Variants in NEDD9 observed in about 807,000 individuals in gnomAD.
The protein encoded by NEDD9 is neural precursor cell expressed, developmentally down-regulated 9.
In NEDD9, 26 loss-of-function variants were observed where a neutral mutation model predicts 76.6. That is an observed-to-expected ratio of 0.34 (90% confidence interval 0.25 to 0.47). NEDD9 has a LOEUF of 0.47. Ranked by LOEUF, NEDD9 falls within the 20% of genes least tolerant of loss-of-function variation. The probability of loss-of-function intolerance (pLI) is 1.00; values close to 1 mark genes in which losing one functional copy is unlikely to be tolerated. For missense variants in NEDD9, 937 were observed against 1,058.5 expected, an observed-to-expected ratio of 0.89 and a Z score of 1.59; for synonymous variants, 392 against 414.2, an observed-to-expected ratio of 0.95 and a Z score of 0.65.
In NEDD9 at chr6:11,232,422, G is replaced by A. The variant is rs1196322186; in HGVS notation, c.12+82C>T. The A allele has an allele frequency of 1.5e-5, 23 of 1,545,972 alleles. No individual in the cohort carries two copies. In the Admixed American group the frequency reaches 1.8e-4, roughly 12 times the overall value. On this transcript the variant is annotated intron_variant, in intron 1 of 6. Transcript: ENST00000379446. ...CTCCGGGACACACAAGGGACTGACA[G>A]TAAGGAACACGCATACACAAGCACA...
At chr6:11,226,292 G>A (rs771259695) in intron 1 of NEDD9, among the ~76,000 whole-genome samples, 2 of 151,954 alleles carry the variant, frequency 1.3e-5, no homozygotes, top group Admixed American at 6.6e-5. Flanking sequence ...TTTCATGCCC[G>A]TACTCTTTGC....
At chr6:11,306,669 T>C (rs369939359) in intron 2 of NEDD9, among the ~76,000 whole-genome samples, 3 of 152,202 alleles carry the variant, frequency 2.0e-5, no homozygotes, top group East Asian at 1.9e-4. Flanking sequence ...CAACTTAATA[T>C]GTTACCACTT....
At chr6:11,306,162 A>AC (rs1561825316) in intron 2 of NEDD9, 3 of 836,984 alleles carry the variant, frequency 3.6e-6, no homozygotes, top group Non-Finnish European at 4.0e-6. Context: ...GAATCTGAAA[A>AC]CAGGAGATAG....
In NEDD9 at chr6:11,185,629, C is replaced by G; in HGVS notation, c.2038G>C (p.Val680Leu). ...TTCCACTTCGAGATGTCATTCTCCA[C>G]GGGCTTTGTAATCTCTTGTTCCAAC... ...QLLEQEITKP[V>L]ENDISKWKPS... is the part of the protein sequence containing the mutation. Residue 680 changes from valine to leucine, a missense_variant, in exon 7 of 7, where the codon GTG becomes CTG. By Grantham distance (32) the Val-to-Leu change is conservative. Transcript: ENST00000379446. The G allele has an allele frequency of 1.2e-6, 2 of 1,614,208 alleles. No individual in the cohort carries two copies. Among genetic ancestry groups the G allele is most frequent in the Non-Finnish European group, 1.7e-6 (2 of 1,180,042 alleles).
intron 3 of NEDD9, among the ~76,000 whole-genome samples, chr6:11,255,396 T>G (rs1402853643): frequency 6.6e-6 from 1 of 152,208 alleles, no homozygotes; most frequent in Non-Finnish European, 1.5e-5. Context: ...GTAAAAGAAA[T>G]TCGCGTTGCC....
chr6:11,255,876 C>T (rs1398088035), intron 3 of NEDD9, among the ~76,000 whole-genome samples: 2 of 152,084 alleles, frequency 1.3e-5, no homozygotes, highest in Non-Finnish European at 1.5e-5. Flanking sequence ...TATAAGGAAA[C>T]TGGTTAGGAG....
chr6:11,328,277 C>A (rs1373560187), intron 2 of NEDD9, among the ~76,000 whole-genome samples: 1 of 152,210 alleles, frequency 6.6e-6, no homozygotes, highest in Non-Finnish European at 1.5e-5. Flanking sequence ...GAAGATTCAT[C>A]CCACCCAAAA....
chr6:11,252,852 A>G lies in NEDD9; in HGVS notation c.13-39125T>C, dbSNP rs1277619238. ...CTTTACATATTCTAAAAATAAATAA[A>G]TAAAAATTAGACACAGAAATGGAAG... is the stretch of plus-strand genomic sequence containing the variant. On this transcript the variant is annotated intron_variant, in intron 3 of 3. Coordinates refer to the NEDD9 transcript ENST00000397378. This position sits in a 1 kb window ranked among gnomAD's most constrained non-coding sequence, Gnocchi z 4.3. Among the ~76,000 whole-genome samples, 2 of 152,260 alleles carry G rather than the reference A, an allele frequency of 1.3e-5. No individual in the cohort carries two copies. The highest frequency in any genetic ancestry group is 1.3e-4 in the Admixed American group (2 of 15,292).
intron 3 of NEDD9, among the ~76,000 whole-genome samples, chr6:11,295,490 A>G (rs1172959149): frequency 1.3e-5 from 2 of 152,158 alleles, no homozygotes; most frequent in Admixed American, 1.3e-4. Context: ...AGGCTTAGTC[A>G]ATCATTCTGT....
At chr6:11,351,224 G>A (rs1416067742) in intron 1 of NEDD9, among the ~76,000 whole-genome samples, 1 of 152,102 alleles carries the variant, frequency 6.6e-6, no homozygotes, top group Non-Finnish European at 1.5e-5. Flanking sequence ...CAAGTGACCA[G>A]GACCAGGACC....
intron 1 of NEDD9, among the ~76,000 whole-genome samples, chr6:11,232,155 G>C (rs1016545671): frequency 6.6e-6 from 1 of 152,144 alleles, no homozygotes; most frequent in Non-Finnish European, 1.5e-5. Context: ...GCCAGGCCTG[G>C]GGAAGCCAAG....
intron 2 of NEDD9, among the ~76,000 whole-genome samples, chr6:11,332,834 G>A (rs927938779): frequency 1.3e-5 from 2 of 152,148 alleles, no homozygotes; most frequent in Non-Finnish European, 2.9e-5. Context: ...GAGTTTCAGT[G>A]AACTGTGAAT....
intron 2 of NEDD9, among the ~76,000 whole-genome samples, chr6:11,310,762 T>G (rs1397901320): frequency 6.6e-6 from 1 of 152,198 alleles, no homozygotes; most frequent in African/African-American, 2.4e-5. Context: ...TTTGCTGTCT[T>G]TCTTCTGAGC....
At chr6:11,282,769 C>T (rs193166415) in intron 3 of NEDD9, among the ~76,000 whole-genome samples, 85 of 152,360 alleles carry the variant, frequency 5.6e-4, no homozygotes, top group African/African-American at 1.9e-3. Flanking sequence ...TCCTGAGCTA[C>T]GGCAACAGCT....
upstream of NEDD9, chr6:11,233,557 A>G (rs539993021): frequency 1.9e-6 from 1 of 517,486 alleles, no homozygotes; most frequent in South Asian, 1.4e-5. Context: ...CCTGAGGATG[A>G]CCCATTAACC....
chr6:11,319,541 GACAC>G lies in NEDD9; in HGVS notation c.-152-13390_-152-13387del, dbSNP rs373121806. On this transcript the variant is annotated intron_variant, in intron 2 of 3. Transcript: ENST00000397378. ...ACATGCACACTCACACTAACATGCGGACACACACTAACATGCGGACACACACACT... is the reference window on the plus strand; with the variant it reads ...ACATGCACACTCACACTAACATGCGGACACTAACATGCGGACACACACACT... Among the ~76,000 whole-genome samples the G allele has an allele frequency of 2.2e-4, 18 of 83,548 alleles. No individual in the cohort carries two copies. The South Asian group carries it at 8.2e-3, about 38-fold the overall frequency. 54.8% of individuals were successfully genotyped at this position (83,548 alleles called of 152,430 possible).
At chr6:11,355,272 G>A (rs1215720385) in intron 1 of NEDD9, among the ~76,000 whole-genome samples, 1 of 152,114 alleles carries the variant, frequency 6.6e-6, no homozygotes, top group Non-Finnish European at 1.5e-5. Context: ...CTTCTGGAAT[G>A]AGGGAATAAA....
intron 3 of NEDD9, among the ~76,000 whole-genome samples, chr6:11,268,898 G>A (rs1458817011): frequency 6.6e-6 from 1 of 152,130 alleles, no homozygotes; most frequent in Non-Finnish European, 1.5e-5. Context: ...ATTAGGAAGA[G>A]GGATTTTACT....
At chr6:11,381,840 G>A (rs779555664) in intron 1 of NEDD9, among the ~76,000 whole-genome samples, 2 of 152,182 alleles carry the variant, frequency 1.3e-5, no homozygotes, top group African/African-American at 4.8e-5. Context: ...GCTCTCTGAC[G>A]ACAGTAGGAA....
Sources: gnomAD v4.1 joint callset for allele counts (sites outside exome capture counted in the v4.1 genomes callset) on GRCh38, gnomAD v4.1.1 for gene constraint, Gnocchi (gnomAD v3.1) non-coding constraint, MANE v1.5 for transcripts, NCBI Gene and HGNC (gene_info 2026-07-23, HGNC 2026-07-21) for gene names.